The following PEX3 variants were observed in gnomAD, a reference collection of about 807,000 sequenced individuals.
PEX3 encodes peroxin-3.
A neutral mutation model predicts 55.8 loss-of-function variants in PEX3; 30 were observed. The observed-to-expected ratio is 0.54, with a 90% CI of 0.40 to 0.73. PEX3 has a LOEUF of 0.73. Among genes scored for constraint, PEX3 ranks in the 30% least tolerant of loss-of-function variants. The pLI, the probability that PEX3 is intolerant of heterozygous loss-of-function variation, is 0.00. For synonymous variants in PEX3, 135 were observed against 148.4 expected, an observed-to-expected ratio of 0.91 and a Z score of 0.66; for missense variants, 351 against 432.8, an observed-to-expected ratio of 0.81 and a Z score of 1.68.
chr6:143,451,145 T>G lies in PEX3; in HGVS notation c.73+30T>G. ...GTGACAACGTGCTTGAAAGGGGGCA[T>G]TGGGAGAAGGGGGTGGGAGAGGTGA... On this transcript the variant is annotated intron_variant, in intron 1 of 11. Transcript: ENST00000367591. The surrounding 1 kb of genome is among the most constrained non-coding windows in gnomAD (Gnocchi z 4.1). 6.8e-7 allele frequency: 1 copy of G among 1,462,722 alleles called. No individual in the cohort carries two copies. Among genetic ancestry groups the G allele is most frequent in the Non-Finnish European group, 9.6e-7 (1 of 1,041,750 alleles). 90.6% of individuals were successfully genotyped at this position (1,462,722 alleles called of 1,614,324 possible).
intron 8 of PEX3, among the ~76,000 whole-genome samples, chr6:143,474,388 G>A (rs2128747060): frequency 6.6e-6 from 1 of 151,804 alleles, no homozygotes; most frequent in East Asian, 1.9e-4. Flanking sequence ...GAACCTCGGA[G>A]GCAGAGGTTT....
Position 143,482,982 on chromosome 6 carries a change from C to T in PEX3, c.942-2170C>T, listed in dbSNP as rs1780261850. ...TCAAACAAGCTTTTTATAAGCTTTTCATCAATATTAAATGCAAATAATATA... is the reference window on the plus strand; with the variant it reads ...TCAAACAAGCTTTTTATAAGCTTTTTATCAATATTAAATGCAAATAATATA... On this transcript the variant is annotated intron_variant, in intron 10 of 11. Coordinates refer to ENST00000367591, the MANE Select transcript of PEX3 (RefSeq NM_003630.3). This position sits in a 1 kb window ranked among gnomAD's most constrained non-coding sequence, Gnocchi z 5.5. Among the ~76,000 whole-genome samples the T allele has an allele frequency of 6.6e-6, 1 of 152,166 alleles. No homozygotes were observed. The highest frequency in any genetic ancestry group is 1.5e-5 in the Non-Finnish European group (1 of 67,982).
In PEX3 at chr6:143,462,981, G is replaced by A. The variant is rs2128745858; in HGVS notation, c.271G>A (p.Ala91Thr). ...MQQLNSESLT[A>T]LLKNRPSNKL... Reference sequence around the variant, plus strand: ...GCAACTGAATTCCGAGAGCCTCACAGCTCTGCTAAAAAACAGGTAAATGCA... The same window carrying A: ...GCAACTGAATTCCGAGAGCCTCACAACTCTGCTAAAAAACAGGTAAATGCA... The change falls in exon 3 of 12, where the codon GCT (alanine) becomes ACT (threonine). Residue 91 changes from alanine (A) to threonine (T), a missense_variant. Physicochemically the swap from Ala to Thr is moderately conservative, Grantham distance 58. Transcript: ENST00000367591. This position sits in a 1 kb window ranked among gnomAD's most constrained non-coding sequence, Gnocchi z 4.1. 2 of 1,613,224 alleles carry A rather than the reference G, an allele frequency of 1.2e-6. No homozygotes were observed.
intron 1 of PEX3, among the ~76,000 whole-genome samples, chr6:143,455,380 T>G (rs1779832013): frequency 2.9e-5 from 4 of 136,636 alleles, no homozygotes; most frequent in African/African-American, 1.1e-4. Context: ...TTTTTTTTTT[T>G]TTTTTTTTGT....
At chr6:143,470,555 T>C (rs2128746622) in intron 4 of PEX3, among the ~76,000 whole-genome samples, 1 of 152,328 alleles carries the variant, frequency 6.6e-6, no homozygotes, top group East Asian at 1.9e-4. Flanking sequence ...CTGTAGTCCT[T>C]AAACAGGCTC....
intron 3 of PEX3, among the ~76,000 whole-genome samples, chr6:143,467,067 A>G (rs1429835354): frequency 6.6e-6 from 1 of 152,076 alleles, no homozygotes; most frequent in East Asian, 1.9e-4. Flanking sequence ...TTACTTTGAA[A>G]CAGAAATTTC....
chr6:143,470,200 G>A (rs1490902345), intron 4 of PEX3, among the ~76,000 whole-genome samples: 3 of 152,032 alleles, frequency 2.0e-5, no homozygotes, highest in African/African-American at 7.2e-5. Context: ...CGCCCGCCTC[G>A]GCCTCCCAAA....
chr6:143,471,153 C>A lies in PEX3; in HGVS notation c.456+68C>A. On this transcript the variant is annotated intron_variant, in intron 5 of 11. Coordinates refer to ENST00000367591, the MANE Select transcript of PEX3 (RefSeq NM_003630.3). This position sits in a 1 kb window ranked among gnomAD's most constrained non-coding sequence, Gnocchi z 5.4. ...GAGGTTCAAAGTTTAACTTATTTAT[C>A]CTGATAACAATTTCTATGAAATAAA... 7.6e-7 allele frequency: 1 copy of A among 1,321,688 alleles called. No homozygotes were observed. Among genetic ancestry groups the A allele is most frequent in the Non-Finnish European group, 1.1e-6 (1 of 917,966 alleles). 81.9% of individuals were successfully genotyped at this position (1,321,688 alleles called of 1,614,324 possible).
rs546726053 is a variant in PEX3 at position 143,489,987 on chromosome 6, G to A, written c.*761G>A. The A allele has an allele frequency of 2.1e-3, 315 of 152,158 alleles. No homozygotes were observed. The highest frequency in any genetic ancestry group is 7.1e-3 in the African/African-American group (293 of 41,526). 9.4% of individuals were successfully genotyped at this position (152,158 alleles called of 1,614,324 possible). A position where few individuals can be genotyped will look rare whatever the true frequency, so the allele number is the denominator to read the frequency against. On this transcript the variant is annotated 3_prime_UTR_variant, in exon 12 of 12. Coordinates refer to ENST00000367591, the MANE Select transcript of PEX3 (RefSeq NM_003630.3). This position sits in a 1 kb window ranked among gnomAD's most constrained non-coding sequence, Gnocchi z 5.5. ...TTTTGAATACAGTGAAAATCTTATT[G>A]CAATAAACTATTTTAGTAAAATATT...
chr6:143,460,025 T>C (rs189398394), intron 2 of PEX3, among the ~76,000 whole-genome samples: 58 of 152,376 alleles, frequency 3.8e-4, no homozygotes, highest in Non-Finnish European at 1.5e-5. Flanking sequence ...GAATTAGTTC[T>C]CAAATCCATG....
In PEX3 at chr6:143,453,057, C is replaced by T. The variant is rs986470213; in HGVS notation, c.73+1942C>T. Among the ~76,000 whole-genome samples the T allele has an allele frequency of 6.6e-6, 1 of 152,130 alleles. No individual in the cohort carries two copies. Among genetic ancestry groups the T allele is most frequent in the Non-Finnish European group, 1.5e-5 (1 of 68,034 alleles). On this transcript the variant is annotated intron_variant, in intron 1 of 11. Coordinates refer to ENST00000367591, the MANE Select transcript of PEX3 (RefSeq NM_003630.3). This position sits in a 1 kb window ranked among gnomAD's most constrained non-coding sequence, Gnocchi z 4.6. ...AGGTCTCAGAATTAGTGAAGGGGAA[C>T]TGGAATTCAAACCCAGGTGTGTTGG... is the stretch of plus-strand genomic sequence containing the variant.
At chr6:143,452,645 C>T (rs373231221) in intron 1 of PEX3, among the ~76,000 whole-genome samples, 7 of 152,024 alleles carry the variant, frequency 4.6e-5, no homozygotes, top group African/African-American at 1.4e-4. Flanking sequence ...AAAGTTCAGA[C>T]GGCCAGAAAG....
chr6:143,471,562 A>G lies in PEX3; in HGVS notation c.529A>G (p.Thr177Ala), dbSNP rs767297580. Residue 177 changes from threonine (T) to alanine (A), a missense_variant, in exon 7 of 12, where the codon ACA becomes GCA. By Grantham distance (58) the Thr-to-Ala change is moderately conservative. Coordinates refer to ENST00000367591, the MANE Select transcript of PEX3 (RefSeq NM_003630.3). The surrounding 1 kb of genome is among the most constrained non-coding windows in gnomAD (Gnocchi z 5.4). ...GTTTGTTTTTTCTTTAATAGGCCTG[A>G]CAGAATTGATCACTGTCATTAAACA... ...SIQHLLGDGLTELITVIKQAV... is the reference protein window; with the variant it reads ...SIQHLLGDGLAELITVIKQAV... 9 of 1,612,040 alleles carry G rather than the reference A, an allele frequency of 5.6e-6. No homozygotes were observed. Among genetic ancestry groups the G allele is most frequent in the Non-Finnish European group, 6.8e-6 (8 of 1,178,428 alleles).
chr6:143,467,341 T>G (rs1780006347), intron 3 of PEX3, among the ~76,000 whole-genome samples: 2 of 152,130 alleles, frequency 1.3e-5, no homozygotes, highest in African/African-American at 4.8e-5. Context: ...GAATTCATGA[T>G]GTATATTACC....
At chr6:143,460,513 C>T (rs1465835844) in intron 2 of PEX3, among the ~76,000 whole-genome samples, 1 of 152,110 alleles carries the variant, frequency 6.6e-6, no homozygotes, top group Admixed American at 6.5e-5. Context: ...CTGCCTAGGA[C>T]ATTTTAATGA....
Position 143,471,315 on chromosome 6 carries a change from T to C in PEX3, c.457-68T>C. On this transcript the variant is annotated intron_variant, in intron 5 of 11. Coordinates refer to ENST00000367591, the MANE Select transcript of PEX3 (RefSeq NM_003630.3). The surrounding 1 kb of genome is among the most constrained non-coding windows in gnomAD (Gnocchi z 5.4). ...TCTTGAAAAATCTCAGCCAAAGTTT[T>C]ATTGAAAACATTTCTTATTTACCAG... is the stretch of plus-strand genomic sequence containing the variant. 7.8e-7 allele frequency: 1 copy of C among 1,278,506 alleles called. No individual in the cohort carries two copies. Among genetic ancestry groups the C allele is most frequent in the Non-Finnish European group, 1.1e-6 (1 of 881,312 alleles). The allele number at this position is 1,278,506 out of a possible 1,614,324, so 79.2% of individuals were successfully genotyped here. A position where few individuals can be genotyped will look rare whatever the true frequency, so the allele number is the denominator to read the frequency against.
rs1562648627 is a variant in PEX3, at chr6:143,451,454, G to A, written c.73+339G>A. Reference sequence around the variant, plus strand: ...TTTAAAAAAAATTCTGCTTTCCTGTGAGATTCTGCATTTCTCCTTGGCACT... The same window carrying A: ...TTTAAAAAAAATTCTGCTTTCCTGTAAGATTCTGCATTTCTCCTTGGCACT... On this transcript the variant is annotated intron_variant, in intron 1 of 11. Transcript: ENST00000367591. This position sits in a 1 kb window ranked among gnomAD's most constrained non-coding sequence, Gnocchi z 4.1. Among the ~76,000 whole-genome samples the A allele has an allele frequency of 6.6e-6, 1 of 152,122 alleles. No homozygotes were observed. Among genetic ancestry groups the A allele is most frequent in the Non-Finnish European group, 1.5e-5 (1 of 68,034 alleles).
At chr6:143,460,363 A>T (rs1307276037) in intron 2 of PEX3, among the ~76,000 whole-genome samples, 2 of 152,214 alleles carry the variant, frequency 1.3e-5, no homozygotes, top group African/African-American at 2.4e-5. Context: ...TTCTGAGAGT[A>T]AAATGAACAT....
In PEX3 at chr6:143,486,648, G is replaced by T. The variant is rs549506989; in HGVS notation, c.1038+1400G>T. ...TACCAAGTGGTCTTCTTAATAAATT[G>T]TCATATGCTTTACTATTTCCACTTA... On this transcript the variant is annotated intron_variant, in intron 11 of 11. Transcript: ENST00000367591. The surrounding 1 kb of genome is among the most constrained non-coding windows in gnomAD (Gnocchi z 5.0). Among the ~76,000 whole-genome samples, 1 of 151,910 alleles carries T rather than the reference G, an allele frequency of 6.6e-6. No homozygotes were observed. Among genetic ancestry groups the T allele is most frequent in the Admixed American group, 6.6e-5 (1 of 15,242 alleles).
Sources: gnomAD v4.1 joint callset for allele counts (sites outside exome capture counted in the v4.1 genomes callset) on GRCh38, gnomAD v4.1.1 for gene constraint, Gnocchi (gnomAD v3.1) non-coding constraint, MANE v1.5 for transcripts, NCBI Gene and HGNC (gene_info 2026-07-23, HGNC 2026-07-21) for gene names.